FKBP15: variants seen among roughly 807,000 people sequenced by gnomAD.
FKBP15 encodes the protein FKBP prolyl isomerase family member 15, also known as FK506-binding protein 15.
A neutral mutation model predicts 158.1 loss-of-function variants in FKBP15; 106 were observed. The observed-to-expected ratio is 0.67, with a 90% CI of 0.57 to 0.79. FKBP15 has a LOEUF of 0.79. FKBP15 is among the 30% of genes least tolerant of loss of function. The probability of loss-of-function intolerance (pLI) is 0.00; values close to 1 mark genes in which losing one functional copy is unlikely to be tolerated. For missense variants in FKBP15, 1,287 were observed against 1,479.1 expected, an observed-to-expected ratio of 0.87 and a Z score of 2.13; for synonymous variants, 547 against 548.6, an observed-to-expected ratio of 1.00 and a Z score of 0.04.
chr9:113,196,819 C>T, intron 9 of FKBP15, 113 bp downstream of exon 9: 2 of 1,321,390 alleles, frequency 1.5e-6, no homozygotes, highest in Non-Finnish European at 1.0e-6. Context: ...TCAAAGAAAT[C>T]TATGCCTTCA....
intron 5 of FKBP15, 72 bp downstream of exon 5, chr9:113,202,889 G>A: frequency 8.2e-7 from 1 of 1,213,146 alleles, no homozygotes. Context: ...TTTCTATTAG[G>A]TACAATCAGA....
At chr9:113,191,832 G>A (rs1167647844) in intron 11 of FKBP15, among the ~76,000 whole-genome samples, 2 of 151,612 alleles carry the variant, frequency 1.3e-5, no homozygotes, top group Non-Finnish European at 2.9e-5. Context: ...GGTGTGAGAT[G>A]GAATAGGGTA....
intron 21 of FKBP15, 58 bp downstream of exon 21, chr9:113,176,479 G>A (rs1012579021): frequency 5.3e-6 from 8 of 1,508,864 alleles, no homozygotes; most frequent in Non-Finnish European, 7.1e-6. Flanking sequence ...ATTTGTAAAA[G>A]GAAAATAAAA....
intron 2 of FKBP15, among the ~76,000 whole-genome samples, chr9:113,211,222 T>A (rs529232485): frequency 4.6e-5 from 7 of 152,302 alleles, no homozygotes; most frequent in Admixed American, 2.0e-4. Flanking sequence ...CAGGCTGGAG[T>A]ACAGTGGCTC....
intron 20 of FKBP15, among the ~76,000 whole-genome samples, 158 bp from the exon 21 acceptor site, chr9:113,176,831 C>G (rs907136909): frequency 1.3e-5 from 2 of 152,188 alleles, no homozygotes; most frequent in Non-Finnish European, 2.9e-5. Flanking sequence ...TCACTATAGC[C>G]TCCATCTCCT....
intron 17 of FKBP15, 90 bp from the exon 18 acceptor site, chr9:113,183,935 T>C (rs1587957885): frequency 1.1e-6 from 1 of 924,444 alleles, no homozygotes; most frequent in Non-Finnish European, 1.7e-6. Flanking sequence ...CAGGTGACAT[T>C]GTTAACATGT....
chr9:113,186,481 G>A (rs1830488760), intron 14 of FKBP15, 118 bp from the exon 15 acceptor site: 1 of 726,028 alleles, frequency 1.4e-6, no homozygotes, highest in Non-Finnish European at 2.4e-6. Context: ...ACTTACTGAA[G>A]CTAGAGATGG....
chr9:113,180,453 T>G (rs947532889), intron 19 of FKBP15, among the ~76,000 whole-genome samples: 4 of 151,702 alleles, frequency 2.6e-5, no homozygotes, highest in Non-Finnish European at 4.4e-5. Context: ...CTTATAATTT[T>G]TTTTTAAGGT....
chr9:113,178,134 C>T (rs1830330850), intron 20 of FKBP15, among the ~76,000 whole-genome samples: 2 of 152,068 alleles, frequency 1.3e-5, no homozygotes, highest in East Asian at 1.9e-4. Flanking sequence ...ACAAGAACTA[C>T]AGGATGAGCT....
In FKBP15 at chr9:113,180,899, G is replaced by A. The variant is rs188615357; in HGVS notation, c.1914+1867C>T. 1.6e-4 allele frequency among the ~76,000 whole-genome samples: 24 copies of A among 152,266 alleles called. 1 individual carries two copies. In the South Asian group the frequency reaches 1.7e-3, roughly 11 times the overall value. On this transcript the variant is annotated intron_variant, in intron 19 of 27. Transcript: ENST00000238256. ...TGAGCCCTTAACCATACTTTTCTGA[G>A]CTGTGTCTGAAGGCAGAAAATTGCC...
intron 1 of FKBP15, among the ~76,000 whole-genome samples, chr9:113,215,122 G>A (rs1831092863): frequency 6.6e-6 from 1 of 152,206 alleles, no homozygotes; most frequent in Non-Finnish European, 1.5e-5. Context: ...CACTGGAGTA[G>A]CACTTTTAAT....
chr9:113,169,299 T>G lies in FKBP15; in HGVS notation c.3410A>C (p.Glu1137Ala). The G allele has an allele frequency of 1.2e-6, 2 of 1,614,048 alleles. No homozygotes were observed. The highest frequency in any genetic ancestry group is 1.7e-6 in the Non-Finnish European group (2 of 1,179,906). Residue 1137 changes from glutamate to alanine, a missense_variant, in exon 26 of 28, where the codon GAG becomes GCG. Physicochemically the swap from Glu to Ala is moderately radical, Grantham distance 107. Transcript: ENST00000238256. The part of the protein sequence containing the change: ...DVTSSTGPHK[E>A]LSSTEAGSTV... ...GGAACCTGCCTCTGTGCTTGACAGC[T>G]CCTTGTGGGGACCGGTGGAGCTAGT... is the stretch of plus-strand genomic sequence containing the variant.
In FKBP15 at chr9:113,184,655, A is replaced by G; in HGVS notation, c.1608+40T>C. ...ACAGTTCTGGCTGCTCCCTGTTTAC[A>G]TCCCCACTTTCAACATCACCCCAAC... On this transcript the variant is annotated intron_variant, in intron 16 of 27. Transcript: ENST00000238256. This position sits in a 1 kb window ranked among gnomAD's most constrained non-coding sequence, Gnocchi z 4.5. 6.6e-7 allele frequency: 1 copy of G among 1,505,416 alleles called. No individual in the cohort carries two copies. Among genetic ancestry groups the G allele is most frequent in the Non-Finnish European group, 9.1e-7 (1 of 1,097,492 alleles). The allele number at this position is 1,505,416 out of a possible 1,614,324, so 93.3% of individuals were successfully genotyped here. A position where few individuals can be genotyped will look rare whatever the true frequency, so the allele number is the denominator to read the frequency against.
chr9:113,204,932 A>G (rs1587972027), intron 4 of FKBP15, among the ~76,000 whole-genome samples: 1 of 137,692 alleles, frequency 7.3e-6, no homozygotes, highest in African/African-American at 2.6e-5. Flanking sequence ...TGTTAACTGC[A>G]ATATCTAGGT....
At chr9:113,213,019 G>A (rs1410844483) in intron 1 of FKBP15, among the ~76,000 whole-genome samples, 1 of 152,154 alleles carries the variant, frequency 6.6e-6, no homozygotes, top group African/African-American at 2.4e-5. Context: ...CAGGTTCAAG[G>A]ATTCTAGAGA....
chr9:113,199,411 A>T (rs535009689), intron 7 of FKBP15, among the ~76,000 whole-genome samples: 1 of 152,368 alleles, frequency 6.6e-6, no homozygotes, highest in African/African-American at 2.4e-5. Context: ...AGGGCTCAAT[A>T]ATATTAAAAC....
chr9:113,211,932 T>C (rs964680109), intron 1 of FKBP15, among the ~76,000 whole-genome samples: 2 of 152,184 alleles, frequency 1.3e-5, no homozygotes, highest in African/African-American at 2.4e-5. Flanking sequence ...TCAGGTGCTC[T>C]CTATGGTATC....
intron 2 of FKBP15, among the ~76,000 whole-genome samples, chr9:113,208,336 C>CA (rs952517226): frequency 9.4e-5 from 14 of 149,352 alleles, no homozygotes; most frequent in Non-Finnish European, 1.6e-4. Flanking sequence ...GACTCCGTCT[C>CA]AAAAAAAACA....
chr9:113,199,459 A>G lies in FKBP15; in HGVS notation c.648+355T>C, dbSNP rs1830745957. 2.0e-5 allele frequency among the ~76,000 whole-genome samples: 3 copies of G among 152,242 alleles called. No individual in the cohort carries two copies. The South Asian group carries it at 6.2e-4, about 32-fold the overall frequency. On this transcript the variant is annotated intron_variant, in intron 7 of 27. Transcript: ENST00000238256. ...ATGTATTTACAGTATCTACTATAAG[A>G]AAAACTATAAGGAGGGTCTAAAAAG...
Sources: gnomAD v4.1 joint callset for allele counts (sites outside exome capture counted in the v4.1 genomes callset) on GRCh38, gnomAD v4.1.1 for gene constraint, Gnocchi (gnomAD v3.1) non-coding constraint, MANE v1.5 for transcripts, NCBI Gene and HGNC (gene_info 2026-07-23, HGNC 2026-07-21) for gene names.